ATP6V1G3: variants seen among roughly 807,000 people sequenced by gnomAD.
ATP6V1G3 encodes the protein V-type proton ATPase subunit G 3.
ATP6V1G3 carries 9 observed loss-of-function variants against 9.3 expected under a neutral mutation model. The ratio of observed to expected loss-of-function variants is 0.97; its 90% confidence interval spans 0.59 to 1.69. The LOEUF (loss-of-function observed/expected upper bound fraction) is 1.69. ATP6V1G3 is among the 40% of genes most tolerant of loss of function. The pLI is 0.00. For missense variants in ATP6V1G3, 133 were observed against 139.0 expected (o/e 0.96, Z 0.22); for synonymous variants, 43 against 43.8 (o/e 0.98, Z 0.07).
At chr1:198,531,519 G>A (rs73077377) in intron 1 of ATP6V1G3, among the ~76,000 whole-genome samples, 2,384 of 152,232 alleles carry the variant, frequency 0.016, 77 homozygotes, top group African/African-American at 0.054. Context: ...TCAATTTTGG[G>A]CAGGTTAAAA....
At chr1:198,529,493 G>T (rs1171323657) in intron 1 of ATP6V1G3, among the ~76,000 whole-genome samples, 2 of 151,676 alleles carry the variant, frequency 1.3e-5, no homozygotes, top group African/African-American at 2.4e-5. Flanking sequence ...TAAAATATCT[G>T]CCCATTTACT....
intron 1 of ATP6V1G3, among the ~76,000 whole-genome samples, chr1:198,532,938 A>G (rs1045662983): frequency 2.0e-5 from 3 of 152,122 alleles, no homozygotes; most frequent in African/African-American, 7.2e-5. Context: ...GCACGGTAAG[A>G]ATTTTGGTCT....
intron 2 of ATP6V1G3, among the ~76,000 whole-genome samples, chr1:198,523,957 C>A (rs1659552552): frequency 6.6e-6 from 1 of 151,998 alleles, no homozygotes; most frequent in East Asian, 1.9e-4. Context: ...TGAAAGACAC[C>A]ATTAAACTCA....
intron 2 of ATP6V1G3, among the ~76,000 whole-genome samples, chr1:198,525,225 T>C (rs1659608493): frequency 6.6e-6 from 1 of 152,180 alleles, no homozygotes; most frequent in South Asian, 2.1e-4. Flanking sequence ...CTAAATTTAG[T>C]GTCTTAAGTG....
At chr1:198,539,106 T>G (rs1186259028) in intron 1 of ATP6V1G3, among the ~76,000 whole-genome samples, 2 of 152,206 alleles carry the variant, frequency 1.3e-5, no homozygotes, top group Non-Finnish European at 2.9e-5. Context: ...CTTCTTCCTT[T>G]CCTCTTCTAT....
At chr1:198,540,929 T>C (rs1279061438), upstream of ATP6V1G3, 2 of 430,128 alleles carry the variant, frequency 4.6e-6, no homozygotes, top group Admixed American at 6.9e-5. Flanking sequence ...AAATGAGGTG[T>C]TGCATCTACT....
intron 2 of ATP6V1G3, among the ~76,000 whole-genome samples, chr1:198,525,626 A>G (rs1339775863): frequency 6.6e-6 from 1 of 152,124 alleles, no homozygotes; most frequent in Non-Finnish European, 1.5e-5. Flanking sequence ...TTTTAGTAAT[A>G]TATTTAATCT....
chr1:198,535,358 T>G (rs2103141877), intron 1 of ATP6V1G3, among the ~76,000 whole-genome samples: 1 of 152,274 alleles, frequency 6.6e-6, no homozygotes, highest in African/African-American at 2.4e-5. Context: ...GAAGAATTTA[T>G]TAAATTGAGG....
At position 198,531,173 on chromosome 1, in the gene ATP6V1G3, G is replaced by A. The variant is rs189443746; in HGVS notation, c.83-1992C>T. Among the ~76,000 whole-genome samples, 39 of 152,224 alleles carry A rather than the reference G, an allele frequency of 2.6e-4. No homozygotes were observed. In the East Asian group the frequency reaches 7.5e-3, roughly 29 times the overall value. ...CTGGTTCTCATTCAATTAAATGGGA[G>A]AGCCACAGGGAAATCGTTGCTGGCA... On this transcript the variant is annotated intron_variant, in intron 1 of 2. Transcript: ENST00000367382.
chr1:198,526,048 AC>A (rs1245151928), intron 2 of ATP6V1G3, among the ~76,000 whole-genome samples: 5 of 152,166 alleles, frequency 3.3e-5, no homozygotes, highest in African/African-American at 1.2e-4. Flanking sequence ...CCCTTGTAAT[AC>A]CCCATAATCA....
intron 1 of ATP6V1G3, among the ~76,000 whole-genome samples, chr1:198,535,841 A>G (rs1209649859): frequency 2.0e-5 from 3 of 152,178 alleles, no homozygotes; most frequent in Non-Finnish European, 4.4e-5. Flanking sequence ...ACTGGCATCC[A>G]GGCAGAGCAG....
In ATP6V1G3 at chr1:198,523,258, G is replaced by T; in HGVS notation, c.*133C>A. On this transcript the variant is annotated 3_prime_UTR_variant, in exon 3 of 3. Transcript: ENST00000367382. Reference sequence around the variant, plus strand: ...TTTGTTTAATTCAGTGCCGATGTATGAGTTATGTCACATTTCCTGTAAATG... The same window carrying T: ...TTTGTTTAATTCAGTGCCGATGTATTAGTTATGTCACATTTCCTGTAAATG... 1.2e-6 allele frequency: 1 copy of T among 843,252 alleles called. No homozygotes were observed. Among genetic ancestry groups the T allele is most frequent in the Non-Finnish European group, 1.8e-6 (1 of 540,580 alleles). The allele number at this position is 843,252 out of a possible 1,614,324, so 52.2% of individuals were successfully genotyped here. A position where few individuals can be genotyped will look rare whatever the true frequency, so the allele number is the denominator to read the frequency against.
chr1:198,531,542 G>A (rs1053285541), intron 1 of ATP6V1G3, among the ~76,000 whole-genome samples: 1 of 152,082 alleles, frequency 6.6e-6, no homozygotes, highest in Non-Finnish European at 1.5e-5. Context: ...ACTCTGTGTC[G>A]GAGACAAAGG....
intron 2 of ATP6V1G3, among the ~76,000 whole-genome samples, chr1:198,528,107 A>G (rs923775712): frequency 3.3e-5 from 5 of 152,136 alleles, no homozygotes; most frequent in African/African-American, 1.2e-4. Context: ...CCAAAGGCCA[A>G]TCATGGAGTG....
chr1:198,537,405 G>A (rs558325464), intron 1 of ATP6V1G3, among the ~76,000 whole-genome samples: 3 of 151,678 alleles, frequency 2.0e-5, no homozygotes, highest in South Asian at 2.1e-4. Flanking sequence ...CCTCTTTCTC[G>A]CCCTTCCTTC....
chr1:198,528,954 C>A, intron 2 of ATP6V1G3, 127 bp downstream of exon 2: 2 of 318,226 alleles, frequency 6.3e-6, no homozygotes, highest in South Asian at 5.5e-5. Context: ...GCTTGATGTT[C>A]AGCTTGATTG....
At chr1:198,538,066 G>A (rs1437727960) in intron 1 of ATP6V1G3, among the ~76,000 whole-genome samples, 1 of 152,182 alleles carries the variant, frequency 6.6e-6, no homozygotes, top group Non-Finnish European at 1.5e-5. Context: ...CCATAAAACT[G>A]AGTGCAGAGG....
intron 1 of ATP6V1G3, 34 bp downstream of exon 1, chr1:198,540,535 A>G (rs986633690): frequency 1.3e-6 from 2 of 1,594,662 alleles, no homozygotes; most frequent in Non-Finnish European, 8.6e-7. Context: ...TGCTTTGTTT[A>G]TTTCGTGACA....
chr1:198,537,831 T>C (rs904764985), intron 1 of ATP6V1G3, among the ~76,000 whole-genome samples: 1 of 152,176 alleles, frequency 6.6e-6, no homozygotes, highest in African/African-American at 2.4e-5. Flanking sequence ...TAAACACTTA[T>C]TGAATTAAAT....
Sources: gnomAD v4.1 joint callset for allele counts (sites outside exome capture counted in the v4.1 genomes callset) on GRCh38, gnomAD v4.1.1 for gene constraint, MANE v1.5 for transcripts, NCBI Gene and HGNC (gene_info 2026-07-23, HGNC 2026-07-21) for gene names.